The following EPM2A variants were observed in gnomAD, a reference collection of about 807,000 sequenced individuals.
EPM2A encodes EPM2A glucan phosphatase, laforin.
A neutral mutation model predicts 26.5 loss-of-function variants in EPM2A; 21 were observed. The observed-to-expected ratio is 0.79, with a 90% CI of 0.56 to 1.14. The LOEUF (loss-of-function observed/expected upper bound fraction) is 1.14. Among genes scored for constraint, EPM2A ranks in the 50% most tolerant of loss-of-function variants. The probability of loss-of-function intolerance (pLI) is 0.00; values close to 1 mark genes in which losing one functional copy is unlikely to be tolerated. For missense variants in EPM2A, 458 were observed against 440.8 expected (o/e 1.04, Z -0.35); for synonymous variants, 217 against 177.6 (o/e 1.22, Z -1.76).
intron 4 of EPM2A, among the ~76,000 whole-genome samples, chr6:145,486,817 A>G (rs370502520): frequency 1.4e-3 from 207 of 152,254 alleles, no homozygotes; most frequent in African/African-American, 4.8e-3. Context: ...ATTACACATT[A>G]CATATGTATA....
chr6:145,413,590 G>A (rs189897606), intron 4 of EPM2A, among the ~76,000 whole-genome samples: 1 of 152,104 alleles, frequency 6.6e-6, no homozygotes, highest in East Asian at 1.9e-4. Flanking sequence ...GGGTGACCGT[G>A]CAATCATTCT....
At chr6:145,388,937 A>T in intron 4 of EPM2A, among the ~76,000 whole-genome samples, 1 of 151,968 alleles carries the variant, frequency 6.6e-6, no homozygotes. Flanking sequence ...GGTTGGTTCC[A>T]AGTCTTTGCT....
At chr6:145,421,564 A>C (rs1778780989) in intron 4 of EPM2A, among the ~76,000 whole-genome samples, 1 of 152,056 alleles carries the variant, frequency 6.6e-6, no homozygotes, top group Non-Finnish European at 1.5e-5. Context: ...CACTAAAGAG[A>C]AGTTGTTTAA....
At chr6:145,646,206 C>G (rs916060495) in intron 2 of EPM2A, among the ~76,000 whole-genome samples, 2 of 151,940 alleles carry the variant, frequency 1.3e-5, no homozygotes, top group African/African-American at 4.8e-5. Context: ...CCCAGGGGTG[C>G]AGTGCAGTGG....
chr6:145,561,051 T>G (rs1331313861), intron 2 of EPM2A, among the ~76,000 whole-genome samples: 1 of 152,116 alleles, frequency 6.6e-6, no homozygotes, highest in Non-Finnish European at 1.5e-5. Flanking sequence ...GTACATATAC[T>G]GTAGTATATG....
intron 4 of EPM2A, among the ~76,000 whole-genome samples, chr6:145,392,147 G>A (rs1562317690): frequency 6.6e-6 from 1 of 152,154 alleles, no homozygotes. Context: ...TGGTCACAAT[G>A]GGGGAACTTT....
intron 2 of EPM2A, among the ~76,000 whole-genome samples, chr6:145,516,131 C>A (rs1036685811): frequency 6.6e-6 from 1 of 152,088 alleles, no homozygotes; most frequent in Non-Finnish European, 1.5e-5. Context: ...TAATTATTGC[C>A]ACCATGAAAG....
chr6:145,583,701 T>C (rs1781147226), intron 2 of EPM2A, among the ~76,000 whole-genome samples: 1 of 152,238 alleles, frequency 6.6e-6, no homozygotes, highest in South Asian at 2.1e-4. Flanking sequence ...GCTGGCCCAG[T>C]GCACTGTCAG....
At chr6:145,664,025 C>T (rs200258963) in intron 2 of EPM2A, among the ~76,000 whole-genome samples, 1 of 80,110 alleles carries the variant, frequency 1.2e-5, no homozygotes, top group Non-Finnish European at 2.4e-5. Flanking sequence ...CGCTAAACAT[C>T]GAAAGGAAAA....
chr6:145,471,037 TAAA>T (rs1779466657), intron 4 of EPM2A, among the ~76,000 whole-genome samples: 1 of 152,162 alleles, frequency 6.6e-6, no homozygotes, highest in African/African-American at 2.4e-5. Flanking sequence ...GGCTAGCTGA[TAAA>T]AGTTCATTTT....
chr6:145,632,863 C>T (rs1776368753), intron 3 of EPM2A, among the ~76,000 whole-genome samples: 1 of 152,210 alleles, frequency 6.6e-6, no homozygotes, highest in Non-Finnish European at 1.5e-5. Flanking sequence ...AGATTACACC[C>T]CCAGGTTAGG....
intron 1 of EPM2A, among the ~76,000 whole-genome samples, chr6:145,712,287 A>G (rs1290420941): frequency 2.0e-5 from 3 of 152,160 alleles, no homozygotes; most frequent in African/African-American, 7.2e-5. Context: ...AGCAGAAACA[A>G]TAGCTGGGTC....
chr6:145,400,929 T>C (rs1778475872), intron 4 of EPM2A, among the ~76,000 whole-genome samples: 1 of 152,172 alleles, frequency 6.6e-6, no homozygotes, highest in Non-Finnish European at 1.5e-5. Flanking sequence ...TTACAGATTT[T>C]GTGACTTTTT....
At chr6:145,502,290 A>G (rs117902814) in intron 3 of EPM2A, among the ~76,000 whole-genome samples, 3,024 of 152,330 alleles carry the variant, frequency 0.02, 42 homozygotes, top group Admixed American at 0.04. Context: ...GAGCCCAGCC[A>G]AGCTTTTTGA....
chr6:145,604,961 T>C (rs1212998295), intron 2 of EPM2A, among the ~76,000 whole-genome samples: 1 of 152,126 alleles, frequency 6.6e-6, no homozygotes, highest in African/African-American at 2.4e-5. Context: ...GATCTAACAT[T>C]GAAAAACACT....
intron 4 of EPM2A, among the ~76,000 whole-genome samples, chr6:145,479,227 AAT>A (rs1258263651): frequency 3.4e-5 from 5 of 147,554 alleles, no homozygotes; most frequent in South Asian, 4.2e-4. Context: ...ATTTTAGTAA[AAT>A]ATATATATAT....
chr6:145,605,231 T>C (rs1187040663), intron 2 of EPM2A, among the ~76,000 whole-genome samples: 2 of 152,298 alleles, frequency 1.3e-5, no homozygotes, highest in East Asian at 1.9e-4. Context: ...ACAACAATTA[T>C]TCAGCAATTC....
At chr6:145,654,212 C>CA (rs1326916926) in intron 2 of EPM2A, among the ~76,000 whole-genome samples, 1 of 147,766 alleles carries the variant, frequency 6.8e-6, no homozygotes, top group Non-Finnish European at 1.5e-5. Context: ...TTTTTTGAGA[C>CA]AGAGTTTCAC....
intron 2 of EPM2A, chr6:145,641,009 T>C (rs779370668): frequency 9.9e-5 from 15 of 152,240 alleles, no homozygotes; most frequent in Non-Finnish European, 1.6e-4. Context: ...ACTATGTATA[T>C]AGAGCACAAG....
Sources: gnomAD v4.1 joint callset for allele counts (sites outside exome capture counted in the v4.1 genomes callset) on GRCh38, gnomAD v4.1.1 for gene constraint, MANE v1.5 for transcripts, NCBI Gene and HGNC (gene_info 2026-07-23, HGNC 2026-07-21) for gene names.